The following TAB2 variants were observed in gnomAD, a reference collection of about 807,000 sequenced individuals.
TAB2 encodes TGF-beta-activated kinase 1 and MAP3K7-binding protein 2.
In TAB2, 3 loss-of-function variants were observed where a neutral mutation model predicts 65.0. The ratio of observed to expected loss-of-function variants is 0.05; its 90% confidence interval spans 0.02 to 0.12. The LOEUF (loss-of-function observed/expected upper bound fraction) is 0.12, where lower values mean the gene tolerates loss of function less well. Among genes scored for constraint, TAB2 ranks in the 10% least tolerant of loss-of-function variants. The pLI, the probability that TAB2 is intolerant of heterozygous loss-of-function variation, is 1.00. For synonymous variants in TAB2, 298 were observed against 285.1 expected (o/e 1.05, Z -0.46); for missense variants, 623 against 840.3 (o/e 0.74, Z 3.20).
intron 1 of TAB2, among the ~76,000 whole-genome samples, chr6:149,256,851 C>T (rs1778047850): frequency 6.6e-6 from 1 of 152,086 alleles, no homozygotes; most frequent in South Asian, 2.1e-4. Flanking sequence ...GGATTTCATC[C>T]CAGGGGATAA....
intron 3 of TAB2, among the ~76,000 whole-genome samples, chr6:149,381,664 C>T (rs979491434): frequency 1.3e-5 from 2 of 149,468 alleles, no homozygotes; most frequent in African/African-American, 2.5e-5. Context: ...GCCTCAACCT[C>T]CTGGGCTCAA....
intron 6 of TAB2, chr6:149,401,251 T>A (rs1782398711): frequency 6.0e-6 from 1 of 166,974 alleles, no homozygotes; most frequent in African/African-American, 2.4e-5. Context: ...GGCTTCTTAT[T>A]TAAATAAACT....
chr6:149,267,100 A>G (rs972672448), intron 1 of TAB2, among the ~76,000 whole-genome samples: 2 of 152,200 alleles, frequency 1.3e-5, no homozygotes, highest in Non-Finnish European at 2.9e-5. Context: ...CAGAAGGACC[A>G]GTGAATGCCT....
chr6:149,332,780 A>G (rs148635311), intron 1 of TAB2, among the ~76,000 whole-genome samples: 1 of 152,320 alleles, frequency 6.6e-6, no homozygotes, highest in East Asian at 1.9e-4. Flanking sequence ...TAGAGCCAGA[A>G]ATACATCAGT....
chr6:149,242,800 G>A (rs1314259081), intron 1 of TAB2, among the ~76,000 whole-genome samples: 1 of 152,134 alleles, frequency 6.6e-6, no homozygotes, highest in Admixed American at 6.5e-5. Flanking sequence ...CATCCCCAAA[G>A]AAAGGCATCA....
At chr6:149,402,177 T>A (rs529650183) in intron 6 of TAB2, among the ~76,000 whole-genome samples, 11 of 151,240 alleles carry the variant, frequency 7.3e-5, no homozygotes, top group Non-Finnish European at 1.6e-4. Flanking sequence ...TCAACAAGAT[T>A]GACAAACCCT....
intron 1 of TAB2, among the ~76,000 whole-genome samples, chr6:149,271,160 A>C (rs1778355493): frequency 6.6e-6 from 1 of 152,084 alleles, no homozygotes; most frequent in Admixed American, 6.6e-5. Context: ...GTGAGCTATG[A>C]TTGCCCCACT....
intron 1 of TAB2, among the ~76,000 whole-genome samples, chr6:149,275,300 G>GAAAGAAAGAAAGGAAGAAAGAAAA (rs1223068467): frequency 7.8e-6 from 1 of 128,302 alleles, no homozygotes. Context: ...AAGAAAGAAA[G>GAAAGAAAGAAAGGAAGAAAGAAAA]AGAAAAAAGA....
chr6:149,368,067 T>C (rs532212682), intron 1 of TAB2, among the ~76,000 whole-genome samples: 86 of 152,248 alleles, frequency 5.6e-4, no homozygotes, highest in African/African-American at 2.0e-3. Flanking sequence ...AATGTAGATA[T>C]AGTTGAAAGG....
intron 1 of TAB2, among the ~76,000 whole-genome samples, chr6:149,340,528 G>A (rs752842441): frequency 2.0e-5 from 3 of 152,006 alleles, no homozygotes; most frequent in Non-Finnish European, 4.4e-5. Flanking sequence ...AAATAACGTT[G>A]TATACCTGGA....
chr6:149,383,432 T>C (rs748514296), intron 3 of TAB2, among the ~76,000 whole-genome samples: 4 of 152,222 alleles, frequency 2.6e-5, no homozygotes, highest in Non-Finnish European at 5.9e-5. Context: ...CCTACATACA[T>C]ACAGAATTTT....
intron 1 of TAB2, among the ~76,000 whole-genome samples, chr6:149,296,227 G>T (rs909768200): frequency 3.9e-5 from 6 of 152,180 alleles, no homozygotes; most frequent in Admixed American, 1.3e-4. Flanking sequence ...GGATTTGAAC[G>T]GAGCTGGTTG....
At chr6:149,248,539 T>C (rs1777788086) in intron 1 of TAB2, among the ~76,000 whole-genome samples, 2 of 152,120 alleles carry the variant, frequency 1.3e-5, no homozygotes, top group South Asian at 4.1e-4. Context: ...CATTTAGAGT[T>C]CAGTGAAAAT....
chr6:149,400,298 C>G, intron 6 of TAB2: 1 of 1,407,692 alleles, frequency 7.1e-7, no homozygotes, highest in South Asian at 1.3e-5. Flanking sequence ...CCGCTGTCAC[C>G]TCCTGCTGCT....
chr6:149,307,753 C>A (rs1405038681), intron 1 of TAB2, among the ~76,000 whole-genome samples: 2 of 152,156 alleles, frequency 1.3e-5, no homozygotes, highest in Non-Finnish European at 2.9e-5. Context: ...ATTTAAGGAA[C>A]AATTTTGAAT....
In TAB2 at chr6:149,263,948, A is replaced by G. The variant is rs368193396; in HGVS notation, c.-121+45172A>G. Among the ~76,000 whole-genome samples the G allele has an allele frequency of 2.2e-4, 34 of 152,226 alleles. 1 individual carries two copies. In the South Asian group the frequency reaches 6.8e-3, roughly 31 times the overall value. On this transcript the variant is annotated intron_variant, in intron 1 of 1. Transcript: ENST00000606202. The stretch of plus-strand genomic sequence containing the variant: ...CTGGCAGGGTCATTTTCTTCTTTCC[A>G]TGGCATCTTCCCAGACTGCCTCCTG...
intron 1 of TAB2, among the ~76,000 whole-genome samples, chr6:149,275,208 C>G (rs1194862018): frequency 8.3e-6 from 1 of 120,938 alleles, no homozygotes; most frequent in African/African-American, 3.5e-5. Context: ...CTTGAACTCC[C>G]TTGGGCGGGG....
chr6:149,299,241 T>C (rs781580186), intron 1 of TAB2, among the ~76,000 whole-genome samples: 1 of 152,186 alleles, frequency 6.6e-6, no homozygotes, highest in Non-Finnish European at 1.5e-5. Context: ...ATTACATTAG[T>C]GTCTATTGGC....
chr6:149,249,153 TACACACACACACACACGC>T (rs1562387444), intron 1 of TAB2, among the ~76,000 whole-genome samples: 1 of 112,648 alleles, frequency 8.9e-6, no homozygotes, highest in South Asian at 3.0e-4. Context: ...CACACACACA[TACACACACACACACACGC>T]ACACACACAC....
Sources: gnomAD v4.1 joint callset for allele counts (sites outside exome capture counted in the v4.1 genomes callset) on GRCh38, gnomAD v4.1.1 for gene constraint, MANE v1.5 for transcripts, NCBI Gene and HGNC (gene_info 2026-07-23, HGNC 2026-07-21) for gene names.